DYNC2H1: variants seen among roughly 807,000 people sequenced by gnomAD.
The protein encoded by DYNC2H1 is dynein cytoplasmic 2 heavy chain 1.
DYNC2H1 carries 410 observed loss-of-function variants against 570.0 expected under a neutral mutation model. The observed-to-expected ratio is 0.72, with a 90% CI of 0.66 to 0.78. The LOEUF is 0.78. Ranked by LOEUF, DYNC2H1 falls within the 30% of genes least tolerant of loss-of-function variation. The pLI, the probability that DYNC2H1 is intolerant of heterozygous loss-of-function variation, is 0.00. For synonymous variants in DYNC2H1, 1,688 were observed against 1,677.6 expected (o/e 1.01, Z -0.15); for missense variants, 4,865 against 5,046.4 (o/e 0.96, Z 1.09).
At chr11:103,134,206 T>G in intron 14 of DYNC2H1, 115 bp from the exon 15 acceptor site, 2 of 823,922 alleles carry the variant, frequency 2.4e-6, no homozygotes, top group East Asian at 5.3e-5. Context: ...ATGTCTTGTA[T>G]AGATTAAGTT....
intron 83 of DYNC2H1, among the ~76,000 whole-genome samples, chr11:103,398,360 ATATTG>A (rs1942482456): frequency 6.6e-6 from 1 of 152,190 alleles, no homozygotes; most frequent in Non-Finnish European, 1.5e-5. Context: ...CAGAGTATTA[ATATTG>A]TAAATGTAGC....
chr11:103,199,211 T>C lies in DYNC2H1; in HGVS notation c.7840-17T>C. On this transcript the variant is annotated splice_polypyrimidine_tract_variant and intron_variant, in intron 48 of 88. Transcript: ENST00000375735. This position sits in a 1 kb window ranked among gnomAD's most constrained non-coding sequence, Gnocchi z 4.6. ...AGGGCTTATATTAATTATAAAATAT[T>C]CTGATTTTTTTAAAAGGGTCTTATT... is the stretch of plus-strand genomic sequence containing the variant. 1.4e-6 allele frequency: 2 copies of C among 1,454,402 alleles called. No individual in the cohort carries two copies. Among genetic ancestry groups the C allele is most frequent in the Non-Finnish European group, 1.9e-6 (2 of 1,075,722 alleles). The allele number at this position is 1,454,402 out of a possible 1,614,324, so 90.1% of individuals were successfully genotyped here.
intron 70 of DYNC2H1, among the ~76,000 whole-genome samples, chr11:103,279,116 A>G (rs932868914): frequency 6.6e-6 from 1 of 152,216 alleles, no homozygotes; most frequent in Admixed American, 6.5e-5. Flanking sequence ...TGTATTTAAG[A>G]GTGGTGTTTT....
At chr11:103,274,827 G>C (rs1300694312) in intron 70 of DYNC2H1, among the ~76,000 whole-genome samples, 1 of 152,184 alleles carries the variant, frequency 6.6e-6, no homozygotes, top group East Asian at 1.9e-4. Flanking sequence ...GGGCGTGGTG[G>C]CTCATGCCTG....
intron 83 of DYNC2H1, among the ~76,000 whole-genome samples, chr11:103,392,042 A>G (rs1942176587): frequency 1.3e-5 from 2 of 152,178 alleles, no homozygotes; most frequent in South Asian, 4.1e-4. Context: ...AGGGACATTT[A>G]AGTCCGCAGA....
chr11:103,227,295 G>A (rs546903095), intron 59 of DYNC2H1, among the ~76,000 whole-genome samples: 12 of 150,708 alleles, frequency 8.0e-5, no homozygotes, highest in Non-Finnish European at 1.0e-4. Flanking sequence ...ATACTCTTTC[G>A]TACTTTTTGA....
intron 39 of DYNC2H1, among the ~76,000 whole-genome samples, chr11:103,179,684 A>G (rs1023315370): frequency 6.6e-6 from 1 of 151,728 alleles, no homozygotes; most frequent in African/African-American, 2.4e-5. Context: ...TATTAGGTCC[A>G]ATGACCCAGT....
intron 83 of DYNC2H1, among the ~76,000 whole-genome samples, chr11:103,390,617 T>C (rs1942102055): frequency 6.6e-6 from 1 of 152,188 alleles, no homozygotes; most frequent in Admixed American, 6.5e-5. Context: ...ATTTGGCATG[T>C]TTTTGCAGTG....
At chr11:103,213,910 A>G (rs1351719298) in intron 54 of DYNC2H1, among the ~76,000 whole-genome samples, 1 of 152,194 alleles carries the variant, frequency 6.6e-6, no homozygotes, top group African/African-American at 2.4e-5. Context: ...GCCTAAACCA[A>G]TGTCCTGGAG....
At chr11:103,345,938 T>C (rs962748572) in intron 82 of DYNC2H1, among the ~76,000 whole-genome samples, 1 of 152,192 alleles carries the variant, frequency 6.6e-6, no homozygotes, top group Non-Finnish European at 1.5e-5. Flanking sequence ...GTTATATATG[T>C]TTTTGTATAA....
intron 83 of DYNC2H1, among the ~76,000 whole-genome samples, chr11:103,359,612 GA>G (rs891267651): frequency 6.6e-6 from 1 of 151,064 alleles, no homozygotes; most frequent in African/African-American, 2.4e-5. Context: ...CTCAAGATTA[GA>G]AACTCACTGT....
chr11:103,292,308 G>A (rs1430609613), intron 75 of DYNC2H1, among the ~76,000 whole-genome samples: 2 of 151,314 alleles, frequency 1.3e-5, no homozygotes, highest in African/African-American at 4.9e-5. Context: ...CATAACCAGT[G>A]GATTTTAAAC....
chr11:103,118,822 G>A (rs756626739), intron 6 of DYNC2H1, among the ~76,000 whole-genome samples: 2 of 152,084 alleles, frequency 1.3e-5, no homozygotes, highest in Admixed American at 6.5e-5. Context: ...ATATCAGGAC[G>A]TATGTGGTAT....
At position 103,325,601 on chromosome 11, in the gene DYNC2H1, A is replaced by C. The variant is rs12421288; in HGVS notation, c.12039+1611A>C. On this transcript the variant is annotated intron_variant, in intron 82 of 88. Transcript: ENST00000375735. This position sits in a 1 kb window ranked among gnomAD's most constrained non-coding sequence, Gnocchi z 4.8. The stretch of plus-strand genomic sequence containing the variant: ...TGTTTCCATAGTTCTCTTTGTGGAG[A>C]TCTTTCACCTGTATACTGCTGTTAA... 0.15 allele frequency among the ~76,000 whole-genome samples: 23,209 copies of C among 151,928 alleles called. 1,900 individuals are homozygous for C. The highest frequency in any genetic ancestry group is 0.25 in the Admixed American group (3,788 of 15,256).
rs1253152273 is a variant in DYNC2H1 at position 103,191,547 on chromosome 11, A to G, written c.7468A>G (p.Ser2490Gly). The change falls in exon 46 of 89, where the codon AGT becomes GGT. Residue 2490 changes from serine (S) to glycine (G), a missense_variant. Physicochemically the swap from Ser to Gly is moderately conservative, Grantham distance 56 (BLOSUM62 0). Transcript: ENST00000375735. ...VRAKFTVDDYSHYFFTPCILT... is the reference protein window; with the variant it reads ...VRAKFTVDDYGHYFFTPCILT... ...AGCCAAATTTACAGTTGATGATTATAGTCACTATTTCTTTACTCCTTGCAT... is the reference window on the plus strand; with the variant it reads ...AGCCAAATTTACAGTTGATGATTATGGTCACTATTTCTTTACTCCTTGCAT... 6.2e-7 allele frequency: 1 copy of G among 1,609,308 alleles called. No homozygotes were observed. The highest frequency in any genetic ancestry group is 1.1e-5 in the South Asian group (1 of 90,026).
intron 55 of DYNC2H1, among the ~76,000 whole-genome samples, chr11:103,218,173 T>C (rs928314963): frequency 1.3e-5 from 2 of 152,176 alleles, no homozygotes; most frequent in Non-Finnish European, 2.9e-5. Flanking sequence ...TCTCATAAAG[T>C]TAAACATATC....
intron 85 of DYNC2H1, among the ~76,000 whole-genome samples, chr11:103,454,695 A>C (rs1485895756): frequency 6.6e-6 from 1 of 152,188 alleles, no homozygotes; most frequent in East Asian, 1.9e-4. Context: ...TATTTCTCCA[A>C]ATGGAATATG....
chr11:103,417,315 A>AGGGTTTCACCATGT, intron 84 of DYNC2H1, among the ~76,000 whole-genome samples: 1 of 151,766 alleles, frequency 6.6e-6, no homozygotes, highest in Non-Finnish European at 1.5e-5. Context: ...GTTGGTCAGG[A>AGGGTTTCACCATGT]TGGTCTCGAT....
intron 12 of DYNC2H1, among the ~76,000 whole-genome samples, chr11:103,126,048 T>A (rs1001748854): frequency 6.6e-6 from 1 of 152,226 alleles, no homozygotes; most frequent in Admixed American, 6.5e-5. Flanking sequence ...GTGTCTTGAT[T>A]TTTTTCGTTT....
Sources: allele counts gnomAD v4.1 joint callset (sites outside exome capture counted in the v4.1 genomes callset), GRCh38; gene constraint gnomAD v4.1.1; non-coding constraint Gnocchi (gnomAD v3.1); transcripts MANE v1.5; gene names NCBI Gene and HGNC (gene_info 2026-07-23, HGNC 2026-07-21).